The following TLK2 variants were observed in gnomAD, a reference collection of about 807,000 sequenced individuals.
The protein encoded by TLK2 is tousled like kinase 2, also known as serine/threonine-protein kinase tousled-like 2.
In TLK2, 6 loss-of-function variants were observed where a neutral mutation model predicts 117.3. The ratio of observed to expected loss-of-function variants is 0.05; its 90% CI spans 0.03 to 0.10. The LOEUF is 0.10. Ranked by LOEUF, TLK2 falls within the 10% of genes least tolerant of loss-of-function variation. The pLI, the probability that TLK2 is intolerant of heterozygous loss-of-function variation, is 1.00. For missense variants in TLK2, 299 were observed against 901.2 expected, an observed-to-expected ratio of 0.33 and a Z score of 8.56; for synonymous variants, 257 against 316.7, an observed-to-expected ratio of 0.81 and a Z score of 2.00.
intron 15 of TLK2, among the ~76,000 whole-genome samples, chr17:62,581,468 TCACTCTGA>T (rs2081216727): frequency 1.4e-5 from 2 of 147,570 alleles, no homozygotes; most frequent in Non-Finnish European, 3.0e-5. Flanking sequence ...AGACATTGTC[TCACTCTGA>T]CACCCAGGCT....
intron 6 of TLK2, among the ~76,000 whole-genome samples, chr17:62,525,725 C>T (rs1199892170): frequency 6.6e-6 from 1 of 152,182 alleles, no homozygotes; most frequent in Non-Finnish European, 1.5e-5. Flanking sequence ...GTTGAGATTA[C>T]AGGCATTAGC....
At chr17:62,583,829 G>T (rs955634609) in intron 15 of TLK2, among the ~76,000 whole-genome samples, 17 of 150,306 alleles carry the variant, frequency 1.1e-4, no homozygotes, top group Non-Finnish European at 2.4e-4. Flanking sequence ...TGCCTGCCTC[G>T]GCCTCCCAAA....
intron 2 of TLK2, among the ~76,000 whole-genome samples, chr17:62,490,411 A>T (rs1420665697): frequency 6.6e-6 from 1 of 152,208 alleles, no homozygotes; most frequent in East Asian, 1.9e-4. Context: ...CTGAGGGTGT[A>T]GCCCATGGGT....
At chr17:62,501,098 C>T (rs1189651041) in intron 2 of TLK2, among the ~76,000 whole-genome samples, 7 of 152,066 alleles carry the variant, frequency 4.6e-5, no homozygotes, top group South Asian at 4.2e-4. Context: ...ATTAGCCGGG[C>T]GTGGTGGCAG....
At chr17:62,584,107 G>GTTTTTTTTTTTTTTTTTTTTTT in intron 15 of TLK2, among the ~76,000 whole-genome samples, 1 of 78,524 alleles carries the variant, frequency 1.3e-5, no homozygotes, top group Non-Finnish European at 2.3e-5. Context: ...TTCTTTTGTG[G>GTTTTTTTTTTTTTTTTTTTTTT]TTTTTTTTTT....
At position 62,513,175 on chromosome 17, in the gene TLK2, C is replaced by T. The variant is rs528813473; in HGVS notation, c.82-7598C>T. Among the ~76,000 whole-genome samples, 78 of 151,678 alleles carry T rather than the reference C, an allele frequency of 5.1e-4. 1 individual carries two copies. In the South Asian group the frequency reaches 0.015, roughly 30 times the overall value. On this transcript the variant is annotated intron_variant, in intron 2 of 21. Coordinates refer to ENST00000346027, the MANE Select transcript of TLK2 (RefSeq NM_006852.6). ...GATTACAGGTGTGAGCCACCACACC[C>T]GGCCGAGTTAATATTTTATAAGGTG...
intron 14 of TLK2, among the ~76,000 whole-genome samples, chr17:62,578,804 T>C (rs1388027094): frequency 6.6e-6 from 1 of 152,234 alleles, no homozygotes; most frequent in Non-Finnish European, 1.5e-5. Flanking sequence ...TGTATACATA[T>C]AGCATTTTTA....
At chr17:62,508,705 G>T (rs1033195563) in intron 2 of TLK2, among the ~76,000 whole-genome samples, 7 of 152,152 alleles carry the variant, frequency 4.6e-5, no homozygotes, top group African/African-American at 1.7e-4. Flanking sequence ...GGTGTTTCAC[G>T]CCTGTAATCG....
upstream of TLK2, among the ~76,000 whole-genome samples, chr17:62,476,399 T>C (rs889937648): frequency 1.3e-5 from 2 of 151,750 alleles, no homozygotes; most frequent in Non-Finnish European, 2.9e-5. Context: ...CTGGCCAACA[T>C]AGTGAAACTC....
upstream of TLK2, among the ~76,000 whole-genome samples, chr17:62,476,446 G>A (rs766183901): frequency 6.6e-6 from 1 of 152,116 alleles, no homozygotes; most frequent in Non-Finnish European, 1.5e-5. Context: ...AGCCAGGTGT[G>A]GTGGTGTGCG....
chr17:62,517,815 A>T (rs539131268), intron 2 of TLK2, among the ~76,000 whole-genome samples: 85 of 152,268 alleles, frequency 5.6e-4, no homozygotes, highest in Non-Finnish European at 1.1e-3. Flanking sequence ...GTCCTGCCTC[A>T]GTCTCCCGAC....
intron 2 of TLK2, among the ~76,000 whole-genome samples, chr17:62,489,457 C>G (rs1291143439): frequency 1.3e-5 from 2 of 152,128 alleles, no homozygotes; most frequent in South Asian, 4.1e-4. Context: ...GATCCGCCAG[C>G]CTTGGCCTCC....
Position 62,600,840 on chromosome 17 carries a change from G to A in TLK2, c.1720+20G>A, listed in dbSNP as rs370719560. On this transcript the variant is annotated intron_variant, in intron 18 of 21. Coordinates refer to ENST00000346027, the MANE Select transcript of TLK2 (RefSeq NM_006852.6). ...AACCAGGTATGTCTAACTTTTAGGAGACAGTATTAGTGGGTTTTCTTTGGT... is the reference window on the plus strand; with the variant it reads ...AACCAGGTATGTCTAACTTTTAGGAAACAGTATTAGTGGGTTTTCTTTGGT... 1.9e-6 allele frequency: 3 copies of A among 1,582,808 alleles called. No homozygotes were observed. Among genetic ancestry groups the A allele is most frequent in the African/African-American group, 2.7e-5 (2 of 73,478 alleles).
rs35652112 is a variant in TLK2 at position 62,503,415 on chromosome 17, CTT to C, written c.82-17339_82-17338del. ...CAAAGCTTTTACTTTTTAGTTATAACTTTTTTTTTTTTTTTTTTTTGAGACAG... is the reference window on the plus strand; with the variant it reads ...CAAAGCTTTTACTTTTTAGTTATAACTTTTTTTTTTTTTTTTTTGAGACAG... On this transcript the variant is annotated intron_variant, in intron 2 of 21. Coordinates refer to ENST00000346027, the MANE Select transcript of TLK2 (RefSeq NM_006852.6). Among the ~76,000 whole-genome samples the C allele has an allele frequency of 3.2e-3, 297 of 94,000 alleles. 2 individuals are homozygous for C. The highest frequency in any genetic ancestry group is 5.9e-3 in the Middle Eastern group (1 of 170). 61.7% of individuals were successfully genotyped at this position (94,000 alleles called of 152,430 possible).
chr17:62,574,287 A>G, intron 12 of TLK2: 1 of 1,531,552 alleles, frequency 6.5e-7, no homozygotes, highest in Non-Finnish European at 8.7e-7. Flanking sequence ...ATGTTTTGGG[A>G]AGTCTCTTCC....
intron 12 of TLK2, 123 bp downstream of exon 12, chr17:62,573,490 T>A: frequency 7.7e-7 from 1 of 1,293,006 alleles, no homozygotes. Context: ...TCTTTTCAGT[T>A]ACATTAATGG....
At position 62,580,105 on chromosome 17, in the gene TLK2, C is replaced by A; in HGVS notation, c.1287-6C>A. On this transcript the variant is annotated splice_region_variant and splice_polypyrimidine_tract_variant and intron_variant, in intron 14 of 21. Coordinates refer to ENST00000346027, the MANE Select transcript of TLK2 (RefSeq NM_006852.6). ...TCAGGGTGTTACATGTTCCCTGTTT[C>A]CACAGATTTAAAGATCATCCAACGC... is the stretch of plus-strand genomic sequence containing the variant. 1 of 1,610,294 alleles carries A rather than the reference C, an allele frequency of 6.2e-7. No individual in the cohort carries two copies. Among genetic ancestry groups the A allele is most frequent in the Non-Finnish European group, 8.5e-7 (1 of 1,178,036 alleles).
At chr17:62,508,899 TGGA>T (rs2074931350) in intron 2 of TLK2, among the ~76,000 whole-genome samples, 1 of 151,698 alleles carries the variant, frequency 6.6e-6, no homozygotes, top group Admixed American at 6.6e-5. Flanking sequence ...ACCCGGGAGG[TGGA>T]GGTTGTAGTG....
rs755569832 is a variant in TLK2, at chr17:62,576,774, A to G, written c.1187A>G (p.Lys396Arg). The G allele has an allele frequency of 4.4e-6, 7 of 1,608,406 alleles. No homozygotes were observed. The East Asian group carries it at 1.3e-4, about 31-fold the overall frequency. Residue 396 changes from lysine to arginine, a missense_variant and splice_region_variant, in exon 13 of 22, where the codon AAG becomes AGG. By Grantham distance (26) the Lys-to-Arg change is conservative. Coordinates refer to ENST00000346027, the MANE Select transcript of TLK2 (RefSeq NM_006852.6). ...AAACTCAGATTAGGTCATCTTAAAA[A>G]GGTAAGTATAATGAGAAAATCTCCC... ...IFKLRLGHLK[K>R]EEAEIQAELE... is the part of the protein sequence containing the mutation.
Sources: allele counts gnomAD v4.1 joint callset (sites outside exome capture counted in the v4.1 genomes callset), GRCh38; gene constraint gnomAD v4.1.1; transcripts MANE v1.5; gene names NCBI Gene and HGNC (gene_info 2026-07-23, HGNC 2026-07-21).